IFT25: variants seen among roughly 807,000 people sequenced by gnomAD.
IFT25 encodes the protein intraflagellar transport 25, also known as intraflagellar transport protein 25 homolog.
chr1:53,928,582 C>T, the IFT25 span: 113 of 587,496 alleles, frequency 1.9e-4, no homozygotes, highest in Middle Eastern at 4.5e-4. Context: ...GGAAGTTACT[C>T]TGTATGTTTC....
the IFT25 span, among the ~76,000 whole-genome samples, chr1:53,944,328 A>C: frequency 6.6e-6 from 1 of 151,936 alleles, no homozygotes; most frequent in Non-Finnish European, 1.5e-5. Context: ...ACATGGTGAA[A>C]CCCCAAAACC....
At chr1:53,920,386 A>T in the IFT25 span, among the ~76,000 whole-genome samples, 1 of 148,360 alleles carries the variant, frequency 6.7e-6, no homozygotes, top group East Asian at 2.0e-4. Context: ...TTCCTGCTCA[A>T]ATTGCCCTTT....
At chr1:53,933,215 A>G in the IFT25 span, among the ~76,000 whole-genome samples, 3 of 151,038 alleles carry the variant, frequency 2.0e-5, no homozygotes, top group African/African-American at 7.3e-5. Flanking sequence ...GCTCACTGCA[A>G]GCTCCGCCTC....
At chr1:53,923,799 CT>C in the IFT25 span, 1 of 763,162 alleles carries the variant, frequency 1.3e-6, no homozygotes, top group Non-Finnish European at 2.3e-6. Context: ...AGGTACAAAC[CT>C]ATAATATCAT....
At chr1:53,924,018 G>A in the IFT25 span, 1 of 951,204 alleles carries the variant, frequency 1.1e-6, no homozygotes, top group Non-Finnish European at 1.7e-6. Context: ...TGAAATTTAT[G>A]TTCAGCAAAA....
At chr1:53,936,230 G>A in the IFT25 span, among the ~76,000 whole-genome samples, 1 of 152,340 alleles carries the variant, frequency 6.6e-6, no homozygotes, top group South Asian at 2.1e-4. Context: ...AGAGGTTGCA[G>A]TAAGCCGAAA....
chr1:53,943,042 G>C, the IFT25 span, among the ~76,000 whole-genome samples: 5 of 152,194 alleles, frequency 3.3e-5, no homozygotes, highest in Admixed American at 1.3e-4. Context: ...TTTACTCTCA[G>C]TGGTGCTCAC....
chr1:53,937,811 G>T, the IFT25 span, among the ~76,000 whole-genome samples: 3 of 152,306 alleles, frequency 2.0e-5, no homozygotes, highest in Non-Finnish European at 4.4e-5. Context: ...AATCTCCTCA[G>T]TTCTGTGTAT....
At chr1:53,935,035 G>C in the IFT25 span, among the ~76,000 whole-genome samples, 2 of 152,296 alleles carry the variant, frequency 1.3e-5, no homozygotes, top group African/African-American at 4.8e-5. Context: ...ACCAGTCACG[G>C]CTGGGGGTTG....
chr1:53,945,119 C>T, the IFT25 span, among the ~76,000 whole-genome samples: 28 of 152,332 alleles, frequency 1.8e-4, no homozygotes, highest in Admixed American at 1.4e-3. Flanking sequence ...CCATCCCAAA[C>T]CCTCCTCCTC....
chr1:53,928,282 T>C, the IFT25 span: 6 of 1,052,764 alleles, frequency 5.7e-6, no homozygotes, highest in African/African-American at 6.3e-5. Flanking sequence ...GTCATCTTTT[T>C]TCACCAAAGT....
chr1:53,922,793 T>TA, the IFT25 span, among the ~76,000 whole-genome samples: 3 of 151,060 alleles, frequency 2.0e-5, no homozygotes, highest in Non-Finnish European at 3.0e-5. Flanking sequence ...AATACTAAGT[T>TA]AAAAAAAAAG....
At chr1:53,945,635 G>A in the IFT25 span, 1 of 151,864 alleles carries the variant, frequency 6.6e-6, no homozygotes, top group Admixed American at 6.6e-5. Flanking sequence ...AGAGCGTCCC[G>A]ACCCGCAGCT....
the IFT25 span, chr1:53,921,622 A>T: frequency 2.1e-5 from 28 of 1,306,320 alleles, no homozygotes; most frequent in East Asian, 5.5e-4. Flanking sequence ...TATATTGTTA[A>T]AAAATCATGC....
At chr1:53,936,048 C>A in the IFT25 span, among the ~76,000 whole-genome samples, 13 of 151,296 alleles carry the variant, frequency 8.6e-5, no homozygotes, top group Non-Finnish European at 1.8e-4. Flanking sequence ...GATTATGAGG[C>A]CAGGAGTTTG....
the IFT25 span, among the ~76,000 whole-genome samples, chr1:53,929,270 A>G: frequency 2.7e-4 from 41 of 152,308 alleles, no homozygotes; most frequent in South Asian, 8.5e-3. Context: ...AGCTCCTATT[A>G]GGCCCTTTTA....
At chr1:53,932,110 G>C in the IFT25 span, among the ~76,000 whole-genome samples, 4 of 152,184 alleles carry the variant, frequency 2.6e-5, no homozygotes, top group African/African-American at 9.6e-5. Context: ...CCAGCACTCT[G>C]GGAGGCTAAG....
chr1:53,913,901 A>T, the IFT25 span, among the ~76,000 whole-genome samples: 1 of 152,330 alleles, frequency 6.6e-6, no homozygotes, highest in Non-Finnish European at 1.5e-5. Flanking sequence ...GGTTCACCAG[A>T]AACTATGCCG....
chr1:53,944,572 G>A, the IFT25 span, among the ~76,000 whole-genome samples: 2 of 152,244 alleles, frequency 1.3e-5, no homozygotes, highest in African/African-American at 4.8e-5. Context: ...CTGAACCCAG[G>A]AAGCGGAGGC....
Sources: gnomAD v4.1 joint callset for allele counts (sites outside exome capture counted in the v4.1 genomes callset) on GRCh38, gnomAD v4.1.1 for gene constraint, MANE v1.5 for transcripts, NCBI Gene and HGNC (gene_info 2026-07-23, HGNC 2026-07-21) for gene names.